The following SERINC5 variants were observed in gnomAD, a reference collection of about 807,000 sequenced individuals.
SERINC5 encodes the protein serine incorporator 5.
Under a neutral mutation model 63.1 loss-of-function variants are expected in SERINC5, and 41 were observed. That is an observed-to-expected ratio of 0.65 (90% confidence interval 0.51 to 0.84). The LOEUF (loss-of-function observed/expected upper bound fraction) is 0.84, where lower values mean the gene tolerates loss of function less well. Ranked by LOEUF, SERINC5 falls within the 40% of genes least tolerant of loss-of-function variation. The probability of loss-of-function intolerance (pLI) is 0.00; values close to 1 mark genes in which losing one functional copy is unlikely to be tolerated. For synonymous variants in SERINC5, 222 were observed against 215.2 expected (o/e 1.03, Z -0.28); for missense variants, 523 against 573.0 (o/e 0.91, Z 0.89).
intron 12 of SERINC5, among the ~76,000 whole-genome samples, chr5:80,112,376 C>T (rs553437224): frequency 3.3e-5 from 5 of 152,318 alleles, no homozygotes; most frequent in Non-Finnish European, 5.9e-5. Context: ...ATTTGTGACA[C>T]ACATTCCTTT....
intron 2 of SERINC5, among the ~76,000 whole-genome samples, chr5:80,202,269 C>A (rs2112488881): frequency 6.6e-6 from 1 of 152,152 alleles, no homozygotes. Context: ...TCCTGGCAGC[C>A]ATCCTATGAC....
intron 5 of SERINC5, 71 bp downstream of exon 5, chr5:80,174,883 T>C: frequency 1.9e-6 from 2 of 1,031,964 alleles, no homozygotes; most frequent in Non-Finnish European, 2.9e-6. Context: ...AGCAATGCAG[T>C]TGAGTACAGC....
At chr5:80,227,710 G>A (rs1751233338) in intron 1 of SERINC5, among the ~76,000 whole-genome samples, 1 of 152,052 alleles carries the variant, frequency 6.6e-6, no homozygotes, top group Admixed American at 6.6e-5. Flanking sequence ...ACTAGCCAGG[G>A]TGGGGGCGAA....
At chr5:80,222,273 A>G (rs541244892) in intron 1 of SERINC5, among the ~76,000 whole-genome samples, 1 of 152,244 alleles carries the variant, frequency 6.6e-6, no homozygotes, top group African/African-American at 2.4e-5. Flanking sequence ...ATGCTCCCTG[A>G]AGAAGAATCA....
At chr5:80,199,131 G>T (rs1005579820) in intron 2 of SERINC5, among the ~76,000 whole-genome samples, 6 of 152,156 alleles carry the variant, frequency 3.9e-5, no homozygotes, top group Admixed American at 1.3e-4. Flanking sequence ...ATTCCTGCAA[G>T]ATGTGGTCAT....
chr5:80,198,813 AC>A, intron 2 of SERINC5: 1 of 575,922 alleles, frequency 1.7e-6, no homozygotes, highest in Non-Finnish European at 2.2e-6. Context: ...GATTGGTTTC[AC>A]CCACAGGGAT....
chr5:80,148,661 C>G (rs1745981436), intron 9 of SERINC5, among the ~76,000 whole-genome samples: 2 of 149,552 alleles, frequency 1.3e-5, no homozygotes, highest in Non-Finnish European at 3.0e-5. Context: ...GAGTGAGGCC[C>G]TGTCTCAAAA....
intron 1 of SERINC5, among the ~76,000 whole-genome samples, chr5:80,251,501 G>A (rs562298507): frequency 3.9e-5 from 6 of 152,016 alleles, no homozygotes; most frequent in Admixed American, 6.6e-5. Context: ...AGGCAGAGGC[G>A]GGCGGGTCAC....
At chr5:80,144,646 C>T (rs1320982783) in intron 11 of SERINC5, among the ~76,000 whole-genome samples, 1 of 152,168 alleles carries the variant, frequency 6.6e-6, no homozygotes, top group Non-Finnish European at 1.5e-5. Context: ...AAGAATCTCT[C>T]CAATCACTGT....
chr5:80,142,967 C>T lies in SERINC5; in HGVS notation c.*696G>A, dbSNP rs879666666. On this transcript the variant is annotated 3_prime_UTR_variant, in exon 12 of 12. Transcript: ENST00000507668. ...GGTGGGGAACCACCTGGGGGGTGAT[C>T]AGACAAATTGTGCTTTTTCACATTA... 1 of 985,324 alleles carries T rather than the reference C, an allele frequency of 1.0e-6. No individual in the cohort carries two copies. The highest frequency in any genetic ancestry group is 1.7e-5 in the African/African-American group (1 of 57,212). 61.0% of individuals were successfully genotyped at this position (985,324 alleles called of 1,614,324 possible).
chr5:80,230,986 A>AT (rs1266027714), intron 1 of SERINC5, among the ~76,000 whole-genome samples: 1 of 135,894 alleles, frequency 7.4e-6, no homozygotes, highest in African/African-American at 3.1e-5. Flanking sequence ...TAATATTTGT[A>AT]TTTTTTGTAG....
At chr5:80,249,427 T>G (rs1234840269) in intron 1 of SERINC5, among the ~76,000 whole-genome samples, 1 of 152,080 alleles carries the variant, frequency 6.6e-6, no homozygotes, top group Non-Finnish European at 1.5e-5. Flanking sequence ...TAAAAAAAAC[T>G]TTATCAGTCA....
At chr5:80,176,843 C>A (rs766091930) in intron 4 of SERINC5, among the ~76,000 whole-genome samples, 9 of 152,096 alleles carry the variant, frequency 5.9e-5, no homozygotes, top group African/African-American at 2.2e-4. Flanking sequence ...TGAAAAAGGG[C>A]GCCCTGTTTC....
chr5:80,241,181 A>G (rs1751923804), intron 1 of SERINC5, among the ~76,000 whole-genome samples: 2 of 152,164 alleles, frequency 1.3e-5, no homozygotes, highest in Admixed American at 1.3e-4. Context: ...TAAGAAATAA[A>G]AAGGCAAGGC....
rs368838576 is a variant in SERINC5, at chr5:80,177,144, T to C, written c.457+171A>G. ...GATGCGGTGGTGAGAAGAGGGGAGG[T>C]AGATAGGCAATGATGGAAAAAGTAT... On this transcript the variant is annotated intron_variant, in intron 4 of 11. Transcript: ENST00000507668. 2.0e-5 allele frequency among the ~76,000 whole-genome samples: 3 copies of C among 151,738 alleles called. 1 individual carries two copies.
At chr5:80,199,506 C>A (rs1749700258) in intron 2 of SERINC5, among the ~76,000 whole-genome samples, 2 of 152,164 alleles carry the variant, frequency 1.3e-5, no homozygotes, top group Admixed American at 1.3e-4. Flanking sequence ...ACCAGTGGAA[C>A]ATCTTCTGTT....
At chr5:80,173,060 C>A (rs997539880) in intron 5 of SERINC5, among the ~76,000 whole-genome samples, 3 of 152,054 alleles carry the variant, frequency 2.0e-5, no homozygotes, top group African/African-American at 7.2e-5. Context: ...TTCCTCCATC[C>A]CCCAAACCTG....
chr5:80,149,612 A>G (rs188278007), intron 9 of SERINC5, among the ~76,000 whole-genome samples: 48 of 152,342 alleles, frequency 3.2e-4, no homozygotes, highest in African/African-American at 1.1e-3. Context: ...AGTGGTCAAG[A>G]ACACAGATCC....
rs184531518 is a variant in SERINC5, at chr5:80,175,027, C to T, written c.478G>A (p.Val160Ile). ...FLNAWRYVGA[V>I]GGFLFIGIQL... Reference sequence around the variant, plus strand: ...ATGCCAATGAAGAGGAAGCCTCCGACGGCTCCCACATAGCGCCAGGCTGCA... The same window carrying T: ...ATGCCAATGAAGAGGAAGCCTCCGATGGCTCCCACATAGCGCCAGGCTGCA... The change falls in exon 5 of 12, where the codon GTC becomes ATC. Residue 160 changes from valine (V) to isoleucine (I), a missense_variant. Coordinates refer to ENST00000507668, the MANE Select transcript of SERINC5 (RefSeq NM_001174072.3). 5.1e-5 allele frequency: 81 copies of T among 1,598,584 alleles called. No homozygotes were observed. Among genetic ancestry groups the T allele is most frequent in the African/African-American group, 3.5e-4 (26 of 74,764 alleles).
Sources: allele counts gnomAD v4.1 joint callset (sites outside exome capture counted in the v4.1 genomes callset), GRCh38; gene constraint gnomAD v4.1.1; transcripts MANE v1.5; gene names NCBI Gene and HGNC (gene_info 2026-07-23, HGNC 2026-07-21).